The following RNF111 variants were observed in gnomAD, a reference collection of about 807,000 sequenced individuals.
RNF111 encodes the protein E3 ubiquitin-protein ligase Arkadia.
A neutral mutation model predicts 95.1 loss-of-function variants in RNF111; 17 were observed. The observed-to-expected ratio is 0.18, with a 90% CI of 0.12 to 0.27. The LOEUF is 0.27. Ranked by LOEUF, RNF111 falls within the 10% of genes least tolerant of loss-of-function variation. The pLI, the probability that RNF111 is intolerant of heterozygous loss-of-function variation, is 1.00. For missense variants in RNF111, 1,189 were observed against 1,210.4 expected, an observed-to-expected ratio of 0.98 and a Z score of 0.26; for synonymous variants, 440 against 414.8, an observed-to-expected ratio of 1.06 and a Z score of -0.74.
intron 1 of RNF111, among the ~76,000 whole-genome samples, chr15:59,005,301 G>T (rs1222046236): frequency 1.3e-5 from 2 of 152,100 alleles, no homozygotes; most frequent in Admixed American, 1.3e-4. Context: ...TTACAGGCAC[G>T]AGCCACTGCA....
intron 5 of RNF111, 189 bp downstream of exon 5, chr15:59,058,739 T>C (rs1328690167): frequency 3.4e-6 from 2 of 581,238 alleles, no homozygotes; most frequent in Non-Finnish European, 6.0e-6. Context: ...TTGTGTGCTA[T>C]ATGTAACCAG....
intron 5 of RNF111, among the ~76,000 whole-genome samples, chr15:59,063,880 C>T (rs1011082193): frequency 6.4e-4 from 98 of 152,254 alleles, no homozygotes; most frequent in African/African-American, 2.1e-3. Flanking sequence ...GGTAATTTAG[C>T]GTATCCCAGT....
chr15:59,070,267 C>T (rs181136972), intron 6 of RNF111, among the ~76,000 whole-genome samples: 46 of 151,976 alleles, frequency 3.0e-4, no homozygotes, highest in Non-Finnish European at 2.1e-4. Context: ...GATTGTCCTT[C>T]GGGAATAAGA....
At chr15:59,078,062 G>A (rs1488344338) in intron 7 of RNF111, among the ~76,000 whole-genome samples, 2 of 152,194 alleles carry the variant, frequency 1.3e-5, no homozygotes, top group East Asian at 3.8e-4. Flanking sequence ...TTTAGAATTG[G>A]ATAGATTCGA....
intron 1 of RNF111, among the ~76,000 whole-genome samples, chr15:58,995,208 GCTGATCTTTA>G (rs1475857038): frequency 1.3e-5 from 2 of 152,132 alleles, no homozygotes; most frequent in African/African-American, 4.8e-5. Context: ...TCTTGCCTAT[GCTGATCTTTA>G]CTGATCTTTA....
chr15:58,999,727 A>G (rs1428517753), intron 1 of RNF111, among the ~76,000 whole-genome samples: 2 of 152,184 alleles, frequency 1.3e-5, no homozygotes, highest in East Asian at 1.9e-4. Context: ...TCACACTGCT[A>G]TAAATAACTG....
chr15:59,093,046 C>T (rs1461472370), intron 13 of RNF111, among the ~76,000 whole-genome samples: 1 of 152,136 alleles, frequency 6.6e-6, no homozygotes, highest in African/African-American at 2.4e-5. Context: ...ATAAAGATTA[C>T]TTTTGGCATA....
chr15:59,089,259 T>C (rs145521863), intron 10 of RNF111, among the ~76,000 whole-genome samples: 212 of 152,002 alleles, frequency 1.4e-3, no homozygotes, highest in African/African-American at 4.5e-3. Flanking sequence ...CCTAATAGAA[T>C]CAAGCAAAAA....
intron 4 of RNF111, among the ~76,000 whole-genome samples, chr15:59,057,766 G>A (rs1290822223): frequency 6.6e-6 from 1 of 152,220 alleles, no homozygotes; most frequent in Non-Finnish European, 1.5e-5. Flanking sequence ...AATGCTAAGT[G>A]ATTACTCTCT....
chr15:59,020,330 G>A (rs1337203337), intron 1 of RNF111, among the ~76,000 whole-genome samples: 4 of 151,524 alleles, frequency 2.6e-5, no homozygotes, highest in African/African-American at 4.8e-5. Flanking sequence ...GTATCTTTAT[G>A]TCTTATTTAG....
intron 4 of RNF111, among the ~76,000 whole-genome samples, chr15:59,057,018 T>G (rs551861871): frequency 3.9e-5 from 6 of 152,084 alleles, no homozygotes; most frequent in Admixed American, 6.6e-5. Context: ...TTGGAAAGCT[T>G]CTCTCTTATT....
At chr15:58,998,050 C>T (rs1404255713) in intron 1 of RNF111, among the ~76,000 whole-genome samples, 1 of 151,042 alleles carries the variant, frequency 6.6e-6, no homozygotes, top group East Asian at 2.0e-4. Flanking sequence ...GATTACAGGC[C>T]CGTGCCACCA....
chr15:59,065,856 C>T (rs1036953210), intron 5 of RNF111, among the ~76,000 whole-genome samples: 1 of 152,074 alleles, frequency 6.6e-6, no homozygotes. Context: ...ACAAAAAATA[C>T]AAAAATTAGC....
chr15:59,053,760 A>G (rs150869872), intron 3 of RNF111, among the ~76,000 whole-genome samples: 61 of 152,288 alleles, frequency 4.0e-4, no homozygotes, highest in African/African-American at 1.3e-3. Flanking sequence ...TTGTAGGACT[A>G]GAGATCTTGT....
At chr15:59,077,339 A>G (rs1183481462) in intron 7 of RNF111, among the ~76,000 whole-genome samples, 1 of 152,200 alleles carries the variant, frequency 6.6e-6, no homozygotes, top group Non-Finnish European at 1.5e-5. Context: ...TACATGTTTT[A>G]GATTCATTTG....
chr15:59,093,576 T>C, intron 13 of RNF111: 1 of 266,364 alleles, frequency 3.8e-6, no homozygotes, highest in South Asian at 3.3e-5. Flanking sequence ...TATTCCCTTC[T>C]TGCACCTTTG....
At chr15:59,008,672 C>T (rs1050537854) in intron 1 of RNF111, among the ~76,000 whole-genome samples, 2 of 152,168 alleles carry the variant, frequency 1.3e-5, no homozygotes, top group Non-Finnish European at 2.9e-5. Flanking sequence ...TTAAATCTGT[C>T]AGTTTGCTGT....
intron 5 of RNF111, among the ~76,000 whole-genome samples, chr15:59,060,773 A>G (rs1020013278): frequency 6.6e-6 from 1 of 150,762 alleles, no homozygotes; most frequent in African/African-American, 2.5e-5. Flanking sequence ...CTCCTGTTGT[A>G]GCTTTATGTA....
intron 1 of RNF111, among the ~76,000 whole-genome samples, chr15:58,988,613 A>G (rs1395342698): frequency 1.3e-5 from 2 of 152,264 alleles, no homozygotes; most frequent in African/African-American, 4.8e-5. Flanking sequence ...AGTCAGTGTC[A>G]GTGCTATAGT....
Sources: gnomAD v4.1 joint callset for allele counts (sites outside exome capture counted in the v4.1 genomes callset) on GRCh38, gnomAD v4.1.1 for gene constraint, MANE v1.5 for transcripts, NCBI Gene and HGNC (gene_info 2026-07-23, HGNC 2026-07-21) for gene names.